EPHA7: variants seen among roughly 807,000 people sequenced by gnomAD.
EPHA7 encodes the protein ephrin type-A receptor 7.
In EPHA7, 25 loss-of-function variants were observed where a neutral mutation model predicts 112.6. That is an observed-to-expected ratio of 0.22 (90% CI 0.16 to 0.31). The LOEUF is 0.31. EPHA7 is among the 10% of genes least tolerant of loss of function. The pLI, the probability that EPHA7 is intolerant of heterozygous loss-of-function variation, is 1.00. For missense variants in EPHA7, 962 were observed against 1,212.6 expected (o/e 0.79, Z 3.07); for synonymous variants, 437 against 406.5 (o/e 1.07, Z -0.90).
At chr6:93,257,361 A>G in intron 12 of EPHA7, 101 bp downstream of exon 12, 3 of 794,598 alleles carry the variant, frequency 3.8e-6, no homozygotes. Context: ...ACCTCTTACT[A>G]TTTTACAAGG....
intron 5 of EPHA7, among the ~76,000 whole-genome samples, chr6:93,314,298 G>A (rs1246663686): frequency 6.6e-6 from 1 of 151,920 alleles, no homozygotes; most frequent in Non-Finnish European, 1.5e-5. Flanking sequence ...TTATTATATT[G>A]TCTAACATTA....
At chr6:93,394,355 A>G (rs1778060974) in intron 3 of EPHA7, among the ~76,000 whole-genome samples, 2 of 151,554 alleles carry the variant, frequency 1.3e-5, no homozygotes, top group African/African-American at 4.8e-5. Flanking sequence ...GAGAGAGAGA[A>G]AAGTCAGAAC....
At chr6:93,395,602 C>CACACACAT (rs1778130894) in intron 3 of EPHA7, among the ~76,000 whole-genome samples, 1 of 151,544 alleles carries the variant, frequency 6.6e-6, no homozygotes, top group African/African-American at 2.4e-5. Flanking sequence ...CACACACACA[C>CACACACAT]ACACACACAC....
intron 3 of EPHA7, among the ~76,000 whole-genome samples, chr6:93,383,942 C>A (rs12529039): frequency 6.6e-6 from 1 of 152,064 alleles, no homozygotes; most frequent in Non-Finnish European, 1.5e-5. Flanking sequence ...CCTGCCTCAG[C>A]CCCGCAAAGT....
chr6:93,285,340 A>G (rs1772010313), intron 5 of EPHA7, among the ~76,000 whole-genome samples: 1 of 152,210 alleles, frequency 6.6e-6, no homozygotes, highest in African/African-American at 2.4e-5. Flanking sequence ...CTTATAATGA[A>G]TAGTTATACA....
intron 5 of EPHA7, among the ~76,000 whole-genome samples, chr6:93,294,790 T>C (rs180844150): frequency 1.1e-4 from 17 of 152,248 alleles, no homozygotes; most frequent in Admixed American, 4.6e-4. Flanking sequence ...ACATATGGCA[T>C]TGATAAGTCA....
intron 5 of EPHA7, among the ~76,000 whole-genome samples, chr6:93,337,742 A>C (rs1407938775): frequency 2.6e-5 from 4 of 152,164 alleles, no homozygotes; most frequent in Non-Finnish European, 4.4e-5. Flanking sequence ...GATATACCTC[A>C]GAAAGAGAAG....
chr6:93,327,299 G>C (rs764660788), intron 5 of EPHA7, among the ~76,000 whole-genome samples: 1 of 151,444 alleles, frequency 6.6e-6, no homozygotes. Context: ...TATCTCAATG[G>C]CCATTCATTC....
chr6:93,304,177 ACAAGTATATACTTGTAGTATACATTGAG>A (rs1424408580), intron 5 of EPHA7, among the ~76,000 whole-genome samples: 63 of 152,042 alleles, frequency 4.1e-4, no homozygotes, highest in African/African-American at 1.4e-3. Flanking sequence ...TAATTATACT[ACAAGTATATACTTGTAGTATACATTGAG>A]CAAGTATATA....
At chr6:93,260,553 A>G (rs1237090727) in intron 9 of EPHA7, 5 of 954,608 alleles carry the variant, frequency 5.2e-6, no homozygotes, top group East Asian at 1.2e-4. Flanking sequence ...GGAGAACAAT[A>G]TATTTCTTTA....
At chr6:93,404,306 T>C (rs1465552079) in intron 3 of EPHA7, among the ~76,000 whole-genome samples, 4 of 152,022 alleles carry the variant, frequency 2.6e-5, no homozygotes, top group African/African-American at 9.7e-5. Flanking sequence ...TTCGAAATTA[T>C]GATAAATGAA....
chr6:93,268,630 C>T (rs558975669), intron 7 of EPHA7, among the ~76,000 whole-genome samples: 72 of 151,750 alleles, frequency 4.7e-4, no homozygotes, highest in South Asian at 2.1e-3. Context: ...AATATAGAAA[C>T]ATGTACTGAG....
chr6:93,318,294 T>C (rs1773904359), intron 5 of EPHA7, among the ~76,000 whole-genome samples: 1 of 152,092 alleles, frequency 6.6e-6, no homozygotes, highest in Non-Finnish European at 1.5e-5. Context: ...TTGGCCTGCA[T>C]GTCTCCATAA....
At chr6:93,384,340 T>C (rs1026400263) in intron 3 of EPHA7, among the ~76,000 whole-genome samples, 1 of 152,160 alleles carries the variant, frequency 6.6e-6, no homozygotes, top group African/African-American at 2.4e-5. Context: ...GCCTCTCTCA[T>C]ATCTAGTTCA....
chr6:93,402,265 A>C (rs900058466), intron 3 of EPHA7, among the ~76,000 whole-genome samples: 10 of 152,062 alleles, frequency 6.6e-5, no homozygotes, highest in Non-Finnish European at 1.2e-4. Context: ...TTGTGAGAAC[A>C]AAGATGACTA....
intron 14 of EPHA7, among the ~76,000 whole-genome samples, chr6:93,251,766 T>C (rs971430621): frequency 6.6e-6 from 1 of 152,036 alleles, no homozygotes; most frequent in African/African-American, 2.4e-5. Context: ...ATATTTCTTA[T>C]ATTTGACTAC....
intron 14 of EPHA7, among the ~76,000 whole-genome samples, chr6:93,248,937 A>G (rs1292612981): frequency 6.6e-6 from 1 of 152,184 alleles, no homozygotes; most frequent in African/African-American, 2.4e-5. Flanking sequence ...ACATTTATAT[A>G]TCTTTCTCTA....
At chr6:93,390,295 T>A (rs1374825238) in intron 3 of EPHA7, among the ~76,000 whole-genome samples, 2 of 150,338 alleles carry the variant, frequency 1.3e-5, no homozygotes, top group East Asian at 3.9e-4. Flanking sequence ...AAAAATTATG[T>A]CAACAAAACA....
rs1448138791 is a variant in EPHA7, at chr6:93,272,369, C to T, written c.1378G>A (p.Glu460Lys). Residue 460 changes from glutamate (E) to lysine (K), a missense_variant, in exon 6 of 17, where the codon GAG (glutamate) becomes AAG (lysine). Physicochemically the swap from Glu to Lys is moderately conservative, Grantham distance 56. Coordinates refer to ENST00000369303, the MANE Select transcript of EPHA7 (RefSeq NM_004440.4). ...MKERVLQRSVELSWQEPEHPN... is the reference protein window; with the variant it reads ...MKERVLQRSVKLSWQEPEHPN... ...TGCTCTGGTTCCTGCCAGGAAAGCT[C>T]GACACTCCGCTGCAGTACTCTCTCC... 11 of 1,612,158 alleles carry T rather than the reference C, an allele frequency of 6.8e-6. No homozygotes were observed. Among genetic ancestry groups the T allele is most frequent in the Admixed American group, 5.0e-5 (3 of 59,902 alleles).
Sources: gnomAD v4.1 joint callset for allele counts (sites outside exome capture counted in the v4.1 genomes callset) on GRCh38, gnomAD v4.1.1 for gene constraint, MANE v1.5 for transcripts, NCBI Gene and HGNC (gene_info 2026-07-23, HGNC 2026-07-21) for gene names.